Variants in ZFC3H1 observed in about 807,000 individuals in gnomAD.
The protein encoded by ZFC3H1 is zinc finger C3H1 domain-containing protein.
Under a neutral mutation model 243.7 loss-of-function variants are expected in ZFC3H1, and 71 were observed. The ratio of observed to expected loss-of-function variants is 0.29; its 90% CI spans 0.24 to 0.36. The LOEUF (loss-of-function observed/expected upper bound fraction) is 0.36. ZFC3H1 is among the 10% of genes least tolerant of loss of function. ZFC3H1 has a pLI of 1.00. For missense variants in ZFC3H1, 1,966 were observed against 2,317.1 expected, an observed-to-expected ratio of 0.85 and a Z score of 3.11; for synonymous variants, 838 against 813.0, an observed-to-expected ratio of 1.03 and a Z score of -0.52.
In ZFC3H1 at chr12:71,638,475, T is replaced by G. The variant is rs1880520981; in HGVS notation, c.1668A>C (p.Ser556=). The G allele has an allele frequency of 1.2e-6, 2 of 1,612,606 alleles. No individual in the cohort carries two copies. The highest frequency in any genetic ancestry group is 2.7e-5 in the African/African-American group (2 of 74,846). ...PVQPPFFSEC[S]LGYFSPAPSL... ...ATGGTGCTGGAGAAAAATACCCCAA[T>G]GAACATTCAGAGAAAAATGGCGGTT... The change falls in exon 7 of 35, where the codon TCA becomes TCC. Residue 556 remains serine (S), a synonymous_variant. Coordinates refer to ENST00000378743, the MANE Select transcript of ZFC3H1 (RefSeq NM_144982.5).
intron 31 of ZFC3H1, among the ~76,000 whole-genome samples, chr12:71,612,950 T>TC: frequency 6.6e-6 from 1 of 152,214 alleles, no homozygotes. Flanking sequence ...GATTCTAATG[T>TC]TTGCCAATAT....
At chr12:71,627,585 A>T (rs1167654887) in intron 21 of ZFC3H1, among the ~76,000 whole-genome samples, 166 bp downstream of exon 21, 2 of 152,200 alleles carry the variant, frequency 1.3e-5, no homozygotes, top group African/African-American at 2.4e-5. Context: ...CTAATCTTAA[A>T]CTTGTCTAAT....
chr12:71,651,061 C>T (rs1277245714), intron 2 of ZFC3H1, among the ~76,000 whole-genome samples: 1 of 152,180 alleles, frequency 6.6e-6, no homozygotes, highest in Non-Finnish European at 1.5e-5. Context: ...GTAGCAGAAT[C>T]AACAGAAGGG....
At chr12:71,625,859 C>T (rs1446741852) in intron 22 of ZFC3H1, among the ~76,000 whole-genome samples, 1 of 152,052 alleles carries the variant, frequency 6.6e-6, no homozygotes, top group East Asian at 1.9e-4. Flanking sequence ...AAAAATGTTT[C>T]CTGGCAGTCA....
intron 29 of ZFC3H1, 54 bp from the exon 30 acceptor site, chr12:71,614,754 C>G: frequency 6.3e-7 from 1 of 1,587,992 alleles, no homozygotes. Context: ...AGTTCTCTCA[C>G]CAAGAAAGCT....
In ZFC3H1 at chr12:71,622,625, GCTA is replaced by G. The variant is rs1200102681; in HGVS notation, c.4744+732_4744+734del. On this transcript the variant is annotated intron_variant, in intron 24 of 34. Transcript: ENST00000378743. ...ATACAGGCGTGAATCACCACGCCCG[GCTA>G]AATTTTGTATTTTTAGTAGAGATAG... 6.8e-4 allele frequency among the ~76,000 whole-genome samples: 103 copies of G among 152,172 alleles called. No homozygotes were observed. The East Asian group carries it at 8.9e-3, about 13-fold the overall frequency.
At chr12:71,615,398 TTCA>T (rs2137515134) in intron 27 of ZFC3H1, 82 bp from the exon 28 acceptor site, 1 of 880,840 alleles carries the variant, frequency 1.1e-6, no homozygotes, top group East Asian at 2.5e-5. Context: ...AATCGTTAGT[TTCA>T]CTTAAATTTC....
chr12:71,612,252 T>C (rs1306691205), intron 31 of ZFC3H1, among the ~76,000 whole-genome samples: 1 of 152,038 alleles, frequency 6.6e-6, no homozygotes, highest in East Asian at 1.9e-4. Context: ...GTATGATCAG[T>C]CTTGAATGTT....
chr12:71,633,522 A>ATG (rs1880377995), intron 12 of ZFC3H1, 84 bp from the exon 13 acceptor site: 1 of 1,145,360 alleles, frequency 8.7e-7, no homozygotes, highest in Non-Finnish European at 1.2e-6. Context: ...AAGTAATAAC[A>ATG]CAATTTTTAA....
chr12:71,645,652 A>G (rs749914674), intron 3 of ZFC3H1, among the ~76,000 whole-genome samples: 26 of 152,224 alleles, frequency 1.7e-4, no homozygotes, highest in Non-Finnish European at 8.8e-5. Flanking sequence ...TATGTGTTCT[A>G]AGGCTACAGA....
At chr12:71,647,659 G>A (rs969515217) in intron 3 of ZFC3H1, 90 bp downstream of exon 3, 1 of 693,868 alleles carries the variant, frequency 1.4e-6, no homozygotes, top group African/African-American at 1.9e-5. Context: ...ATAAGTGAAA[G>A]TAAGATAGAC....
At position 71,632,476 on chromosome 12, in the gene ZFC3H1, T is replaced by C; in HGVS notation, c.2856A>G (p.Ser952=). ...GTTCTGCTGAATGCTTTCTTGGACT[T>C]GATACTGGAGAACTGTCCAGTCTCA... ...KMMRLDSSPV[S]SPRKHSAELI... Residue 952 remains serine (S), a synonymous_variant, in exon 15 of 35, where the codon TCA becomes TCG. Coordinates refer to ENST00000378743, the MANE Select transcript of ZFC3H1 (RefSeq NM_144982.5). 6.3e-7 allele frequency: 1 copy of C among 1,595,758 alleles called. No individual in the cohort carries two copies. Among genetic ancestry groups the C allele is most frequent in the Non-Finnish European group, 8.5e-7 (1 of 1,177,662 alleles).
chr12:71,633,438 C>A lies in ZFC3H1; in HGVS notation c.2511G>T (p.Arg837Ser). Residue 837 changes from arginine (R) to serine (S), a missense_variant and splice_region_variant, in exon 13 of 35, where the codon AGG becomes AGT. Physicochemically the swap from Arg to Ser is moderately radical, Grantham distance 110 (BLOSUM62 -1). This residue lies in a region of ZFC3H1 where 1,383 missense variants were observed against 1,723.7 expected (regional missense o/e 0.80). Transcript: ENST00000378743. ...TDAESKLKKH[R>S]ILLMKDESVL... ...CAGATTCATCTTTCATCAAGAGAAT[C>A]CTAAATGAGAAATAACAAAATTCTT... 7 of 1,547,000 alleles carry A rather than the reference C, an allele frequency of 4.5e-6. No individual in the cohort carries two copies. The highest frequency in any genetic ancestry group is 6.1e-6 in the Non-Finnish European group (7 of 1,150,186).
chr12:71,636,682 C>G, intron 8 of ZFC3H1, 28 bp from the exon 9 acceptor site: 1 of 1,582,406 alleles, frequency 6.3e-7, no homozygotes, highest in Non-Finnish European at 8.5e-7. Context: ...AGACATTAAA[C>G]ATTCCTAAAT....
intron 5 of ZFC3H1, among the ~76,000 whole-genome samples, chr12:71,642,940 A>C (rs1338738167): frequency 6.6e-6 from 1 of 152,198 alleles, no homozygotes; most frequent in East Asian, 1.9e-4. Context: ...TACATACAGA[A>C]TATTTCCCCA....
Position 71,663,355 on chromosome 12 carries a change from A to T in ZFC3H1, c.256T>A (p.Phe86Ile), listed in dbSNP as rs1471077351. 1 of 1,613,044 alleles carries T rather than the reference A, an allele frequency of 6.2e-7. No homozygotes were observed. Among genetic ancestry groups the T allele is most frequent in the Non-Finnish European group, 8.5e-7 (1 of 1,180,020 alleles). Residue 86 changes from phenylalanine (F) to isoleucine (I), a missense_variant, in exon 1 of 35, where the codon TTC (phenylalanine) becomes ATC (isoleucine). Phe to Ile is a conservative substitution (Grantham distance 21). Around this residue, in one of 4 missense-constraint regions of ZFC3H1, gnomAD observed 484 missense variants for 449.7 expected, o/e 1.08. Coordinates refer to ENST00000378743, the MANE Select transcript of ZFC3H1 (RefSeq NM_144982.5). ...TCAGACGCGTGCCGCGAGCGTGAGAAATTCCTCAGCTGCTGCTGAGAAGAG... is the reference window on the plus strand; with the variant it reads ...TCAGACGCGTGCCGCGAGCGTGAGATATTCCTCAGCTGCTGCTGAGAAGAG... Reference protein sequence around the residue: ...SSSSQQQLRNFSRSRHASERG... With the variant: ...SSSSQQQLRNISRSRHASERG...
chr12:71,659,666 T>C (rs1881114145), intron 1 of ZFC3H1, among the ~76,000 whole-genome samples: 1 of 152,126 alleles, frequency 6.6e-6, no homozygotes, highest in Admixed American at 6.5e-5. Context: ...GAGTTACAAC[T>C]ATAACTGACT....
At chr12:71,614,975 T>G in intron 28 of ZFC3H1, 37 bp from the exon 29 acceptor site, 1 of 1,497,802 alleles carries the variant, frequency 6.7e-7, no homozygotes, top group African/African-American at 1.4e-5. Flanking sequence ...TGTCTATCAT[T>G]CATTTCCATC....
intron 5 of ZFC3H1, among the ~76,000 whole-genome samples, chr12:71,642,779 G>A (rs368653520): frequency 1.3e-5 from 2 of 152,162 alleles, no homozygotes; most frequent in South Asian, 2.1e-4. Flanking sequence ...TCCAAAGTAC[G>A]AGCTATACAG....
Sources: gnomAD v4.1 joint callset for allele counts (sites outside exome capture counted in the v4.1 genomes callset) on GRCh38, gnomAD v4.1.1 for gene constraint, gnomAD v4.1.1 regional missense constraint, MANE v1.5 for transcripts, NCBI Gene and HGNC (gene_info 2026-07-23, HGNC 2026-07-21) for gene names.